Variants in SMAD1 observed in about 807,000 individuals in gnomAD.
SMAD1 encodes the protein SMAD family member 1.
Under a neutral mutation model 41.6 loss-of-function variants are expected in SMAD1, and 6 were observed. The ratio of observed to expected loss-of-function variants is 0.14; its 90% confidence interval spans 0.08 to 0.28. SMAD1 has a LOEUF of 0.28. SMAD1 is among the 10% of genes least tolerant of loss of function. SMAD1 has a pLI of 1.00. For synonymous variants in SMAD1, 206 were observed against 203.2 expected (o/e 1.01, Z -0.12); for missense variants, 379 against 582.6 (o/e 0.65, Z 3.60).
rs532732347 is a variant in SMAD1, at chr4:145,519,145, G to A, written c.400+4132G>A. Among the ~76,000 whole-genome samples, 31 of 98,500 alleles carry A rather than the reference G, an allele frequency of 3.1e-4. 6 individuals carry two copies. In the South Asian group the frequency reaches 6.2e-3, roughly 20 times the overall value. 64.6% of individuals were successfully genotyped at this position (98,500 alleles called of 152,430 possible). A position where few individuals can be genotyped will look rare whatever the true frequency, so the allele number is the denominator to read the frequency against. ...GAGTCTCGCTCTGTTGACCAGGCTG[G>A]AGTGCAGTGGCATGATCTCGGCTCA... On this transcript the variant is annotated intron_variant, in intron 2 of 6. Coordinates refer to ENST00000302085, the MANE Select transcript of SMAD1 (RefSeq NM_005900.3).
At chr4:145,549,316 G>A (rs1732428126) in intron 5 of SMAD1, among the ~76,000 whole-genome samples, 2 of 152,134 alleles carry the variant, frequency 1.3e-5, no homozygotes, top group Admixed American at 1.3e-4. Flanking sequence ...CTATACTATG[G>A]CTATATAAGA....
intron 4 of SMAD1, chr4:145,545,378 G>A (rs1732187944): frequency 1.3e-5 from 2 of 152,174 alleles, no homozygotes; most frequent in Admixed American, 6.5e-5. Context: ...GTTGCAGTCT[G>A]CTTTAAGATT....
At chr4:145,546,361 G>GTGTAGA in intron 4 of SMAD1, 1 of 222,942 alleles carries the variant, frequency 4.5e-6, no homozygotes, top group South Asian at 8.9e-5. Flanking sequence ...GTGAGCCAAA[G>GTGTAGA]TCTGTGGTAG....
rs116852251 is a variant in SMAD1, at chr4:145,556,825, G to A, written c.1255-966G>A. 1.6e-4 allele frequency among the ~76,000 whole-genome samples: 24 copies of A among 152,164 alleles called. 1 individual carries two copies. In the East Asian group the frequency reaches 4.5e-3, roughly 28 times the overall value. On this transcript the variant is annotated intron_variant, in intron 6 of 6. Transcript: ENST00000302085. ...CATGCCTGAGCCTCCCAAGTAGCAG[G>A]GATTACAGGGATACACCACCACACC...
At chr4:145,511,205 A>G (rs1730056815) in intron 1 of SMAD1, among the ~76,000 whole-genome samples, 1 of 152,222 alleles carries the variant, frequency 6.6e-6, no homozygotes, top group South Asian at 2.1e-4. Context: ...TTGGGATTAT[A>G]TCTAAATCTT....
chr4:145,532,642 AG>A (rs1157815662), intron 2 of SMAD1, among the ~76,000 whole-genome samples: 1 of 152,236 alleles, frequency 6.6e-6, no homozygotes, highest in Non-Finnish European at 1.5e-5. Flanking sequence ...GCCCTTAAAG[AG>A]GGAAGTCCCA....
rs1731825033 is a variant in SMAD1, at chr4:145,539,917, T to C, written c.514T>C (p.Phe172Leu). The C allele has an allele frequency of 1.2e-6, 2 of 1,613,856 alleles. No homozygotes were observed. Among genetic ancestry groups the C allele is most frequent in the African/African-American group, 1.3e-5 (1 of 74,882 alleles). ...GCCTCACATGCCACTCAACGCCACT[T>C]TTCCAGATTCTTTCCAGCAACCCAA... ...NEPHMPLNAT[F>L]PDSFQQPNSH... Residue 172 changes from phenylalanine (F) to leucine (L), a missense_variant, in exon 3 of 7, where the codon TTT becomes CTT. Physicochemically the swap from Phe to Leu is conservative, Grantham distance 22. Coordinates refer to ENST00000302085, the MANE Select transcript of SMAD1 (RefSeq NM_005900.3).
At chr4:145,550,145 AT>A (rs1216482287) in intron 5 of SMAD1, among the ~76,000 whole-genome samples, 1 of 152,222 alleles carries the variant, frequency 6.6e-6, no homozygotes, top group Non-Finnish European at 1.5e-5. Flanking sequence ...CAAGATGATC[AT>A]TATGTGTAGA....
rs994966428 is a variant in SMAD1, at chr4:145,481,883, C to CGGGCGGGCGGAGAAAGGAGA, written c.-329_-310dup. The CGGGCGGGCGGAGAAAGGAGA allele has an allele frequency of 1.3e-5, 2 of 154,842 alleles. No individual in the cohort carries two copies. The highest frequency in any genetic ancestry group is 2.9e-5 in the Non-Finnish European group (2 of 69,830). 9.6% of individuals were successfully genotyped at this position (154,842 alleles called of 1,614,324 possible). On this transcript the variant is annotated 5_prime_UTR_variant, in exon 1 of 7. Transcript: ENST00000302085. ...AATCCAGGCTCCAGGAGAAAGCAGG[C>CGGGCGGGCGGAGAAAGGAGA]GGGCGGGCGGAGAAAGGAGAGGCCG...
intron 1 of SMAD1, among the ~76,000 whole-genome samples, chr4:145,510,487 A>G (rs1419645879): frequency 6.6e-6 from 1 of 152,086 alleles, no homozygotes; most frequent in African/African-American, 2.4e-5. Context: ...TATTTCCTCT[A>G]TAATTTCTTC....
chr4:145,557,589 G>A (rs771102727), intron 6 of SMAD1, among the ~76,000 whole-genome samples: 2 of 152,148 alleles, frequency 1.3e-5, no homozygotes, highest in African/African-American at 4.8e-5. Context: ...ACCCTGGGGA[G>A]CTAACATCCA....
At chr4:145,503,230 T>C (rs1729562608) in intron 1 of SMAD1, among the ~76,000 whole-genome samples, 1 of 151,994 alleles carries the variant, frequency 6.6e-6, no homozygotes, top group Non-Finnish European at 1.5e-5. Flanking sequence ...TTACTTGTGG[T>C]GTTTGTGATG....
intron 2 of SMAD1, among the ~76,000 whole-genome samples, chr4:145,532,250 GCA>G (rs1387599516): frequency 6.6e-6 from 1 of 152,206 alleles, no homozygotes; most frequent in African/African-American, 2.4e-5. Flanking sequence ...TAACAGAGAT[GCA>G]CAGTTTGAAA....
chr4:145,553,848 T>C lies in SMAD1; in HGVS notation c.1062T>C (p.Phe354=), dbSNP rs780456723. Residue 354 remains phenylalanine (F), a synonymous_variant, in exon 6 of 7, where the codon TTT becomes TTC. Transcript: ENST00000302085. ...AATGCCTTAGTGACAGTAGCATCTT[T>C]GTGCAAAGTCGGAACTGCAACTACC... ...YAECLSDSSI[F]VQSRNCNYHH... is the part of the protein sequence containing the mutation. The C allele has an allele frequency of 1.9e-6, 3 of 1,614,100 alleles. No homozygotes were observed. Among genetic ancestry groups the C allele is most frequent in the South Asian group, 2.2e-5 (2 of 91,080 alleles).
intron 2 of SMAD1, among the ~76,000 whole-genome samples, chr4:145,534,729 T>A (rs927774724): frequency 5.9e-5 from 9 of 152,174 alleles, no homozygotes; most frequent in Non-Finnish European, 1.3e-4. Flanking sequence ...TAAAATTAGA[T>A]CCATTCCTCA....
At position 145,524,131 on chromosome 4, in the gene SMAD1, A is replaced by G. The variant is rs138954694; in HGVS notation, c.400+9118A>G. On this transcript the variant is annotated intron_variant, in intron 2 of 6. Coordinates refer to ENST00000302085, the MANE Select transcript of SMAD1 (RefSeq NM_005900.3). The stretch of plus-strand genomic sequence containing the variant: ...TTTCTATCCACACAGCCTAGTGGAC[A>G]TGGAGATAAGACAGTGAACGCTTTC... Among the ~76,000 whole-genome samples, 704 of 152,306 alleles carry G rather than the reference A, an allele frequency of 4.6e-3. 1 individual carries two copies. The highest frequency in any genetic ancestry group is 0.016 in the African/African-American group (673 of 41,560).
chr4:145,501,499 A>T (rs573146961), intron 1 of SMAD1, among the ~76,000 whole-genome samples: 1 of 152,318 alleles, frequency 6.6e-6, no homozygotes, highest in African/African-American at 2.4e-5. Flanking sequence ...TAAATATAGG[A>T]AGAGAGTTCA....
chr4:145,553,602 A>G (rs1732675312), intron 5 of SMAD1, among the ~76,000 whole-genome samples, 182 bp from the exon 6 acceptor site: 1 of 152,138 alleles, frequency 6.6e-6, no homozygotes, highest in Non-Finnish European at 1.5e-5. Context: ...CAGGCCACGG[A>G]CTGATACTGG....
chr4:145,489,930 G>T (rs1414089542), intron 1 of SMAD1, among the ~76,000 whole-genome samples: 1 of 152,174 alleles, frequency 6.6e-6, no homozygotes, highest in Non-Finnish European at 1.5e-5. Context: ...GAAGAAACTG[G>T]AAGAAAGGCA....
Sources: gnomAD v4.1 joint callset for allele counts (sites outside exome capture counted in the v4.1 genomes callset) on GRCh38, gnomAD v4.1.1 for gene constraint, MANE v1.5 for transcripts, NCBI Gene and HGNC (gene_info 2026-07-23, HGNC 2026-07-21) for gene names.